MAN1A1: variants seen among roughly 807,000 people sequenced by gnomAD.
The protein encoded by MAN1A1 is mannosidase alpha class 1A member 1.
MAN1A1 carries 29 observed loss-of-function variants against 70.8 expected under a neutral mutation model. The observed-to-expected ratio is 0.41, with a 90% confidence interval of 0.31 to 0.56. The LOEUF (loss-of-function observed/expected upper bound fraction) is 0.56, where lower values mean the gene tolerates loss of function less well. Among genes scored for constraint, MAN1A1 ranks in the 20% least tolerant of loss-of-function variants. The pLI is 0.29. For synonymous variants in MAN1A1, 349 were observed against 330.1 expected, an observed-to-expected ratio of 1.06 and a Z score of -0.62; for missense variants, 747 against 841.3, an observed-to-expected ratio of 0.89 and a Z score of 1.39.
At chr6:119,181,745 C>T (rs777128892) in intron 11 of MAN1A1, among the ~76,000 whole-genome samples, 2 of 151,824 alleles carry the variant, frequency 1.3e-5, no homozygotes, top group Non-Finnish European at 2.9e-5. Context: ...CCAGCTTTAC[C>T]GATGTATGAC....
At chr6:119,319,384 A>AAT (rs1772945166) in intron 2 of MAN1A1, among the ~76,000 whole-genome samples, 1 of 144,280 alleles carries the variant, frequency 6.9e-6, no homozygotes, top group African/African-American at 2.6e-5. Context: ...TAATAATAAT[A>AAT]ATAATAATCA....
chr6:119,204,914 G>A (rs1349706182), intron 6 of MAN1A1, 32 bp from the exon 7 acceptor site: 1 of 1,606,908 alleles, frequency 6.2e-7, no homozygotes, highest in African/African-American at 1.3e-5. Flanking sequence ...AGAGTTATGG[G>A]TCAGATTAAC....
intron 6 of MAN1A1, among the ~76,000 whole-genome samples, chr6:119,244,634 A>G (rs996352181): frequency 1.3e-5 from 2 of 152,066 alleles, no homozygotes; most frequent in African/African-American, 4.8e-5. Context: ...TTCAGCTTGC[A>G]CAAATACTGA....
rs1013965078 is a variant in MAN1A1, at chr6:119,178,863, C to T, written c.*956G>A. 15 of 151,982 alleles carry T rather than the reference C, an allele frequency of 9.9e-5. No homozygotes were observed. The highest frequency in any genetic ancestry group is 3.6e-4 in the African/African-American group (15 of 41,382). 9.4% of individuals were successfully genotyped at this position (151,982 alleles called of 1,614,324 possible). On this transcript the variant is annotated 3_prime_UTR_variant, in exon 13 of 13. Transcript: ENST00000368468. ...TGAGAAATCTGAACCAAATAGAATG[C>T]TTTATTTTCCAAAGAAAAAAATCAA...
chr6:119,292,654 T>C (rs1772074517), intron 4 of MAN1A1, among the ~76,000 whole-genome samples: 2 of 151,976 alleles, frequency 1.3e-5, no homozygotes. Context: ...AAAATTCCTA[T>C]AAAAGGACAA....
chr6:119,201,527 T>C (rs371867915), intron 7 of MAN1A1, among the ~76,000 whole-genome samples, 180 bp from the exon 8 acceptor site: 17 of 152,302 alleles, frequency 1.1e-4, no homozygotes, highest in African/African-American at 4.1e-4. Flanking sequence ...TGATTAGTTA[T>C]CTACCATTAG....
intron 5 of MAN1A1, among the ~76,000 whole-genome samples, chr6:119,256,103 AC>A (rs1775450867): frequency 6.6e-6 from 1 of 152,180 alleles, no homozygotes; most frequent in South Asian, 2.1e-4. Context: ...TAAAAAGGCT[AC>A]ACATGCTATC....
chr6:119,250,281 G>A (rs1022661967), intron 5 of MAN1A1, among the ~76,000 whole-genome samples: 2 of 152,156 alleles, frequency 1.3e-5, no homozygotes, highest in Non-Finnish European at 2.9e-5. Context: ...GTCAAACCAC[G>A]TAATTAAAAC....
chr6:119,289,093 T>A (rs1479699019), intron 5 of MAN1A1, among the ~76,000 whole-genome samples: 1 of 151,638 alleles, frequency 6.6e-6, no homozygotes, highest in Non-Finnish European at 1.5e-5. Flanking sequence ...ATATCAAGTA[T>A]ACACATATAT....
At chr6:119,347,796 G>C (rs1048538748) in intron 2 of MAN1A1, among the ~76,000 whole-genome samples, 1 of 152,204 alleles carries the variant, frequency 6.6e-6, no homozygotes, top group African/African-American at 2.4e-5. Flanking sequence ...TGTTTATCCT[G>C]GATTAACTTT....
rs548255499 is a variant in MAN1A1 at position 119,214,050 on chromosome 6, C to T, written c.993-9168G>A. Among the ~76,000 whole-genome samples, 167 of 152,102 alleles carry T rather than the reference C, an allele frequency of 1.1e-3. 1 individual carries two copies. The highest frequency in any genetic ancestry group is 1.9e-3 in the Non-Finnish European group (132 of 67,958). Reference sequence around the variant, plus strand: ...CACGATCTTGGCTCACTGCAACCTCCGCCTCTTGGGTTCAAGCAATTCTCC... The same window carrying T: ...CACGATCTTGGCTCACTGCAACCTCTGCCTCTTGGGTTCAAGCAATTCTCC... On this transcript the variant is annotated intron_variant, in intron 6 of 12. Transcript: ENST00000368468.
At chr6:119,180,518 C>CTTTTTT in intron 11 of MAN1A1, 91 bp from the exon 12 acceptor site, 1 of 697,108 alleles carries the variant, frequency 1.4e-6, no homozygotes, top group Non-Finnish European at 2.4e-6. Flanking sequence ...TCAGATAAAA[C>CTTTTTT]ATTTTTTTTT....
chr6:119,195,496 C>G (rs771912627), intron 8 of MAN1A1, among the ~76,000 whole-genome samples: 7 of 152,202 alleles, frequency 4.6e-5, no homozygotes, highest in African/African-American at 7.2e-5. Context: ...GGAGTGTTCT[C>G]TGACAATGCC....
intron 9 of MAN1A1, among the ~76,000 whole-genome samples, chr6:119,192,433 C>T (rs1001887276): frequency 3.9e-5 from 6 of 152,124 alleles, no homozygotes; most frequent in South Asian, 2.1e-4. Flanking sequence ...CTGGTTCCTA[C>T]ATGTGAAGTA....
intron 2 of MAN1A1, among the ~76,000 whole-genome samples, chr6:119,342,083 CAT>C (rs1426236702): frequency 6.6e-6 from 1 of 152,136 alleles, no homozygotes; most frequent in Non-Finnish European, 1.5e-5. Context: ...AATTCTTTAA[CAT>C]ATATTCTGAA....
At chr6:119,240,681 C>T (rs769959700) in intron 6 of MAN1A1, among the ~76,000 whole-genome samples, 3 of 152,234 alleles carry the variant, frequency 2.0e-5, no homozygotes, top group Admixed American at 6.5e-5. Context: ...TACCGCCTCA[C>T]AATGCATGAC....
chr6:119,293,584 C>T (rs1237273163), intron 4 of MAN1A1, among the ~76,000 whole-genome samples: 6 of 152,076 alleles, frequency 3.9e-5, no homozygotes, highest in South Asian at 2.1e-4. Flanking sequence ...TGTTTGAAAA[C>T]CAGAACCACA....
intron 5 of MAN1A1, among the ~76,000 whole-genome samples, chr6:119,275,211 A>G (rs577105476): frequency 7.3e-6 from 1 of 136,252 alleles, no homozygotes; most frequent in African/African-American, 2.7e-5. Context: ...CCCGGGTTCA[A>G]GCAATTCTCC....
At chr6:119,203,260 G>A (rs1435649864) in intron 7 of MAN1A1, among the ~76,000 whole-genome samples, 1 of 152,162 alleles carries the variant, frequency 6.6e-6, no homozygotes, top group African/African-American at 2.4e-5. Flanking sequence ...TAGTCAGAGT[G>A]GCCTGGCAAG....
Sources: allele counts gnomAD v4.1 joint callset (sites outside exome capture counted in the v4.1 genomes callset), GRCh38; gene constraint gnomAD v4.1.1; transcripts MANE v1.5; gene names NCBI Gene and HGNC (gene_info 2026-07-23, HGNC 2026-07-21).